The following ALPK2 variants were observed in gnomAD, a reference collection of about 807,000 sequenced individuals.
ALPK2 encodes the protein alpha-protein kinase 2.
In ALPK2, 127 loss-of-function variants were observed where a neutral mutation model predicts 163.1. The observed-to-expected ratio is 0.78, with a 90% CI of 0.67 to 0.90. ALPK2 has a LOEUF of 0.90. ALPK2 is among the 40% of genes least tolerant of loss of function. The pLI is 0.00. For missense variants in ALPK2, 2,360 were observed against 2,589.6 expected, an observed-to-expected ratio of 0.91 and a Z score of 1.92; for synonymous variants, 953 against 959.1, an observed-to-expected ratio of 0.99 and a Z score of 0.12.
intron 10 of ALPK2, among the ~76,000 whole-genome samples, chr18:58,514,784 CTTAAATA>C (rs143153121): frequency 0.014 from 2,090 of 149,344 alleles, 50 homozygotes; most frequent in African/African-American, 0.049. Flanking sequence ...TATTTATCTT[CTTAAATA>C]TTAAATATAA....
intron 3 of ALPK2, among the ~76,000 whole-genome samples, chr18:58,603,212 G>A (rs7244635): frequency 0.13 from 19,683 of 152,174 alleles, 1,291 homozygotes; most frequent in South Asian, 0.19. Flanking sequence ...CCCCTTTTCC[G>A]TAATAATCCA....
chr18:58,606,589 C>T lies in ALPK2; in HGVS notation c.227+733G>A, dbSNP rs180795872. On this transcript the variant is annotated intron_variant, in intron 3 of 12. Transcript: ENST00000361673. Reference sequence around the variant, plus strand: ...ATGGTAGAGCTGGAACTCAGTAAGTCTTTTTTTAAATCTCAGACTCAACGC... The same window carrying T: ...ATGGTAGAGCTGGAACTCAGTAAGTTTTTTTTTAAATCTCAGACTCAACGC... Among the ~76,000 whole-genome samples, 11 of 152,214 alleles carry T rather than the reference C, an allele frequency of 7.2e-5. 1 individual carries two copies. The highest frequency in any genetic ancestry group is 7.2e-4 in the Admixed American group (11 of 15,278).
rs756244798 is a variant in ALPK2 at position 58,580,483 on chromosome 18, C to A, written c.293G>T (p.Cys98Phe). 2 of 1,614,152 alleles carry A rather than the reference C, an allele frequency of 1.2e-6. No individual in the cohort carries two copies. The highest frequency in any genetic ancestry group is 1.7e-5 in the Admixed American group (1 of 60,018). ...GCACTCAACCTCAACGGAAGCAGAA[C>A]AACAGATCATTCCAAAAGAGTTTTT... is the stretch of plus-strand genomic sequence containing the variant. ...SAKNSFGMIC[C>F]SASVEVECSS... is the part of the protein sequence containing the mutation. Residue 98 changes from cysteine to phenylalanine, a missense_variant, in exon 4 of 13, where the codon TGT becomes TTT. Cys to Phe is a radical substitution (Grantham distance 205). Coordinates refer to ENST00000361673, the MANE Select transcript of ALPK2 (RefSeq NM_052947.4).
At chr18:58,626,688 TAAA>T in intron 1 of ALPK2, among the ~76,000 whole-genome samples, 1 of 151,918 alleles carries the variant, frequency 6.6e-6, no homozygotes, top group Non-Finnish European at 1.5e-5. Flanking sequence ...CTATTTTTAG[TAAA>T]AAAAAATTTT....
chr18:58,623,854 AT>A (rs143901361), intron 1 of ALPK2, among the ~76,000 whole-genome samples: 5 of 151,862 alleles, frequency 3.3e-5, no homozygotes, highest in Admixed American at 1.3e-4. Context: ...GCCCATCCTA[AT>A]TTTTTTTTAA....
intron 4 of ALPK2, among the ~76,000 whole-genome samples, chr18:58,543,812 C>G (rs962027887): frequency 1.8e-4 from 28 of 152,290 alleles, no homozygotes; most frequent in African/African-American, 6.0e-4. Flanking sequence ...GTCCCACAGT[C>G]AAAGGCAGAG....
In ALPK2 at chr18:58,537,786, C is replaced by CTGCT; in HGVS notation, c.2397_2400dup (p.Val801SerfsTer9). 1 of 1,614,170 alleles carries CTGCT rather than the reference C, an allele frequency of 6.2e-7. No individual in the cohort carries two copies. Among genetic ancestry groups the CTGCT allele is most frequent in the Non-Finnish European group, 8.5e-7 (1 of 1,180,012 alleles). On this transcript the variant is annotated frameshift_variant, in exon 5 of 13. Coordinates refer to ENST00000361673, the MANE Select transcript of ALPK2 (RefSeq NM_052947.4). LOFTEE classifies it high-confidence loss of function. ...GCCTCAAAACACTCCATTGCACACA[C>CTGCT]TGCTTCTCTGTCCCTTGGCTCATCA...
chr18:58,618,934 C>T (rs1353384526), intron 1 of ALPK2, among the ~76,000 whole-genome samples: 1 of 152,194 alleles, frequency 6.6e-6, no homozygotes, highest in East Asian at 1.9e-4. Flanking sequence ...TCTTGTGGAG[C>T]TGGCAGGAAA....
intron 10 of ALPK2, among the ~76,000 whole-genome samples, chr18:58,505,771 C>G (rs1027330753): frequency 6.6e-6 from 1 of 152,166 alleles, no homozygotes; most frequent in Non-Finnish European, 1.5e-5. Flanking sequence ...TCGAAAGAAG[C>G]CTCTATCAAG....
In ALPK2 at chr18:58,515,024, G is replaced by A. The variant is rs1180497769; in HGVS notation, c.5998C>T (p.Gln2000Ter). 2.5e-6 allele frequency: 4 copies of A among 1,612,904 alleles called. No homozygotes were observed. In the Admixed American group the frequency reaches 6.7e-5, roughly 27 times the overall value. The change falls in exon 10 of 13, where the codon CAG (glutamine) becomes TAG (stop). Residue 2000 changes from glutamine (Q) to a stop codon, truncating the protein, a stop_gained. Coordinates refer to ENST00000361673, the MANE Select transcript of ALPK2 (RefSeq NM_052947.4). LOFTEE classifies it high-confidence loss of function. ...YYAKIYAAEA[Q>*]PLEGFGEVPE... ...ACTTCTCCAAAGCCTTCCAGAGGCTGTGCTTCAGCAGCGTAGATCTTGGCA... is the reference window on the plus strand; with the variant it reads ...ACTTCTCCAAAGCCTTCCAGAGGCTATGCTTCAGCAGCGTAGATCTTGGCA...
Position 58,535,934 on chromosome 18 carries a change from C to T in ALPK2, c.4253G>A (p.Gly1418Glu). The part of the protein sequence containing the change: ...EISVIEYTRA[G>E]KPEPSETTPQ... ...TGTGGTTTCAGAGGGCTCTGGTTTTCCAGCCCTGGTGTACTCTATCACACT... is the reference window on the plus strand; with the variant it reads ...TGTGGTTTCAGAGGGCTCTGGTTTTTCAGCCCTGGTGTACTCTATCACACT... The change falls in exon 5 of 13, where the codon GGA becomes GAA. Residue 1418 changes from glycine (G) to glutamate (E), a missense_variant. Gly to Glu is a moderately conservative substitution (Grantham distance 98). Coordinates refer to ENST00000361673, the MANE Select transcript of ALPK2 (RefSeq NM_052947.4). 1 of 1,614,166 alleles carries T rather than the reference C, an allele frequency of 6.2e-7. No homozygotes were observed.
chr18:58,579,205 T>G lies in ALPK2; in HGVS notation c.1571A>C (p.Asp524Ala). 6.2e-7 allele frequency: 1 copy of G among 1,614,058 alleles called. No homozygotes were observed. The highest frequency in any genetic ancestry group is 8.5e-7 in the Non-Finnish European group (1 of 1,179,984). Residue 524 changes from aspartate (D) to alanine (A), a missense_variant, in exon 4 of 13, where the codon GAC (aspartate) becomes GCC (alanine). Coordinates refer to ENST00000361673, the MANE Select transcript of ALPK2 (RefSeq NM_052947.4). ...TAADKRVGGK[D>A]LWSKRGSRKS... ...CCTTGAACCCCTCTTGCTCCATAAG[T>G]CCTTTCCCCCCACTCTCTTGTCAGC...
intron 1 of ALPK2, among the ~76,000 whole-genome samples, chr18:58,612,703 G>A (rs758214568): frequency 3.9e-5 from 6 of 152,226 alleles, no homozygotes; most frequent in South Asian, 2.1e-4. Flanking sequence ...CCCTGAGGGC[G>A]CAGGTTGGTC....
At chr18:58,530,097 CAT>C (rs1437041496) in intron 5 of ALPK2, among the ~76,000 whole-genome samples, 3 of 152,344 alleles carry the variant, frequency 2.0e-5, no homozygotes, top group African/African-American at 2.4e-5. Flanking sequence ...CAGTATAAAA[CAT>C]ATGTAATCCG....
intron 10 of ALPK2, among the ~76,000 whole-genome samples, chr18:58,507,538 T>TTC (rs1233242939): frequency 6.6e-6 from 1 of 152,190 alleles, no homozygotes; most frequent in Non-Finnish European, 1.5e-5. Context: ...ACCTGGTCAC[T>TTC]TCTCTCTTGA....
chr18:58,536,376 T>C lies in ALPK2; in HGVS notation c.3811A>G (p.Lys1271Glu). 1.9e-6 allele frequency: 3 copies of C among 1,614,232 alleles called. No homozygotes were observed. The highest frequency in any genetic ancestry group is 2.5e-6 in the Non-Finnish European group (3 of 1,180,028). Residue 1271 changes from lysine (K) to glutamate (E), a missense_variant, in exon 5 of 13, where the codon AAG becomes GAG. Transcript: ENST00000361673. ...ASDGGLIIPD[K>E]VWAVPDSLKA... Reference sequence around the variant, plus strand: ...AGACTATCAGGTACAGCCCAGACCTTGTCAGGAATTATGAGACCACCGTCT... The same window carrying C: ...AGACTATCAGGTACAGCCCAGACCTCGTCAGGAATTATGAGACCACCGTCT...
In ALPK2 at chr18:58,535,208, C is replaced by T. The variant is rs371208789; in HGVS notation, c.4979G>A (p.Arg1660His). ...AKTLAFISGE[R>H]ELEKAPKLLQ... ...TAATTTAGGGGCTTTCTCTAACTCACGTTCTCCTGAAATAAATGCCAAGGT... is the reference window on the plus strand; with the variant it reads ...TAATTTAGGGGCTTTCTCTAACTCATGTTCTCCTGAAATAAATGCCAAGGT... Residue 1660 changes from arginine (R) to histidine (H), a missense_variant, in exon 5 of 13, where the codon CGT (arginine) becomes CAT (histidine). By Grantham distance (29) the Arg-to-His change is conservative. Coordinates refer to ENST00000361673, the MANE Select transcript of ALPK2 (RefSeq NM_052947.4). The T allele has an allele frequency of 3.5e-5, 57 of 1,613,964 alleles. No individual in the cohort carries two copies. Among genetic ancestry groups the T allele is most frequent in the South Asian group, 1.4e-4 (13 of 91,074 alleles).
intron 12 of ALPK2, among the ~76,000 whole-genome samples, chr18:58,486,348 G>T (rs921584812): frequency 6.6e-6 from 1 of 152,092 alleles, no homozygotes; most frequent in Non-Finnish European, 1.5e-5. Context: ...GGCTCTCTCC[G>T]CACCATGAGA....
At chr18:58,587,573 T>C (rs1339248306) in intron 3 of ALPK2, among the ~76,000 whole-genome samples, 1 of 152,108 alleles carries the variant, frequency 6.6e-6, no homozygotes, top group African/African-American at 2.4e-5. Context: ...CAAATAGAAA[T>C]TTAGAGATTT....
Sources: allele counts gnomAD v4.1 joint callset (sites outside exome capture counted in the v4.1 genomes callset), GRCh38; gene constraint gnomAD v4.1.1; transcripts MANE v1.5; gene names NCBI Gene and HGNC (gene_info 2026-07-23, HGNC 2026-07-21).